The following ADRA1A variants were observed in gnomAD, a reference collection of about 807,000 sequenced individuals.
ADRA1A encodes adrenoceptor alpha 1A.
A neutral mutation model predicts 29.6 loss-of-function variants in ADRA1A; 31 were observed. The ratio of observed to expected loss-of-function variants is 1.05; its 90% CI spans 0.79 to 1.41. The LOEUF is 1.41. Among genes scored for constraint, ADRA1A ranks in the 40% most tolerant of loss-of-function variants. The probability of loss-of-function intolerance (pLI) is 0.00; values close to 1 mark genes in which losing one functional copy is unlikely to be tolerated. For missense variants in ADRA1A, 619 were observed against 601.1 expected (o/e 1.03, Z -0.31); for synonymous variants, 311 against 254.3 (o/e 1.22, Z -2.12).
chr8:26,806,301 T>C lies in ADRA1A; in HGVS notation c.884-35635A>G, dbSNP rs1380181097. Among the ~76,000 whole-genome samples the C allele has an allele frequency of 9.5e-6, 1 of 105,268 alleles. No homozygotes were observed. Among genetic ancestry groups the C allele is most frequent in the Non-Finnish European group, 1.8e-5 (1 of 55,062 alleles). 69.1% of individuals were successfully genotyped at this position (105,268 alleles called of 152,430 possible). On this transcript the variant is annotated intron_variant, in intron 2 of 2. Coordinates refer to ENST00000380573, the MANE Select transcript of ADRA1A (RefSeq NM_000680.4). This position sits in a 1 kb window ranked among gnomAD's most constrained non-coding sequence, Gnocchi z 4.6. ...AGAAGCTGGGTGTTTACACCAAAGA[T>C]TTTTTTTTTTTTTTCGAAAGCTGCC...
chr8:26,828,306 T>C (rs762733963), intron 2 of ADRA1A, among the ~76,000 whole-genome samples: 4 of 152,190 alleles, frequency 2.6e-5, no homozygotes, highest in Non-Finnish European at 4.4e-5. Context: ...TTGTCGAGAA[T>C]AAAGATGACT....
intron 2 of ADRA1A, among the ~76,000 whole-genome samples, chr8:26,788,158 A>G (rs1436430636): frequency 6.6e-6 from 1 of 152,140 alleles, no homozygotes; most frequent in East Asian, 1.9e-4. Context: ...GTTGTCCAAT[A>G]TTACCTAATT....
downstream of ADRA1A, among the ~76,000 whole-genome samples, chr8:26,754,325 T>C (rs1805053058): frequency 6.6e-6 from 1 of 152,286 alleles, no homozygotes; most frequent in South Asian, 2.1e-4. Context: ...TTGAATAGTA[T>C]AGCGTGCATA....
chr8:26,759,650 G>A (rs574968518), intron 2 of ADRA1A, among the ~76,000 whole-genome samples: 18 of 152,280 alleles, frequency 1.2e-4, no homozygotes, highest in African/African-American at 3.6e-4. Flanking sequence ...TACTCTGCCC[G>A]ATGCTCAGCT....
intron 2 of ADRA1A, among the ~76,000 whole-genome samples, chr8:26,847,759 T>G (rs188994127): frequency 6.6e-6 from 1 of 152,254 alleles, no homozygotes; most frequent in Admixed American, 6.5e-5. Flanking sequence ...CCACACTTCT[T>G]CCCAAACTTC....
chr8:26,847,343 G>A (rs1812285441), intron 2 of ADRA1A, among the ~76,000 whole-genome samples: 1 of 152,106 alleles, frequency 6.6e-6, no homozygotes, highest in Non-Finnish European at 1.5e-5. Flanking sequence ...ACCCCCGATT[G>A]AGAACTACTA....
rs371577577 is a variant in ADRA1A, at chr8:26,802,347, G to A, written c.884-31681C>T. Among the ~76,000 whole-genome samples the A allele has an allele frequency of 2.4e-4, 36 of 152,170 alleles. No homozygotes were observed. In the South Asian group the frequency reaches 6.6e-3, roughly 28 times the overall value. On this transcript the variant is annotated intron_variant, in intron 2 of 2. Transcript: ENST00000380573. ...TCCATCTAAAAAGAAACTAATAACC[G>A]AAATTTATAAGGAGCTCAAACAACT...
intron 2 of ADRA1A, among the ~76,000 whole-genome samples, chr8:26,786,422 G>C (rs1807394120): frequency 6.6e-6 from 1 of 151,800 alleles, no homozygotes; most frequent in Non-Finnish European, 1.5e-5. Flanking sequence ...TTTTAGTAGA[G>C]ACAGGGTTTC....
At chr8:26,798,866 T>C (rs748133013) in intron 2 of ADRA1A, among the ~76,000 whole-genome samples, 1 of 152,212 alleles carries the variant, frequency 6.6e-6, no homozygotes, top group Non-Finnish European at 1.5e-5. Flanking sequence ...TTTTCCTCTA[T>C]AGTATTACCA....
Position 26,828,471 on chromosome 8 carries a change from A to G in ADRA1A, c.883+35616T>C, listed in dbSNP as rs569773701. On this transcript the variant is annotated intron_variant, in intron 2 of 2. Transcript: ENST00000380573. ...CACTACACACCTAGAAGGATAATAC[A>G]TGAGTCCTTCCTCAGTCATTAACAC... Among the ~76,000 whole-genome samples the G allele has an allele frequency of 4.6e-5, 7 of 152,304 alleles. No individual in the cohort carries two copies. In the South Asian group the frequency reaches 1.2e-3, roughly 27 times the overall value.
chr8:26,787,976 C>T lies in ADRA1A; in HGVS notation c.884-17310G>A, dbSNP rs568237774. ...GAAACCGGACATTGAGTACATCTTC[C>T]TGCAGAGATGCCCCTGGATGTGTGG... On this transcript the variant is annotated intron_variant, in intron 2 of 2. Transcript: ENST00000380573. This position sits in a 1 kb window ranked among gnomAD's most constrained non-coding sequence, Gnocchi z 4.2. Among the ~76,000 whole-genome samples the T allele has an allele frequency of 7.9e-5, 12 of 151,846 alleles. No homozygotes were observed. The South Asian group carries it at 2.5e-3, about 32-fold the overall frequency.
chr8:26,786,320 C>T (rs950544097), intron 2 of ADRA1A, among the ~76,000 whole-genome samples: 3 of 151,478 alleles, frequency 2.0e-5, no homozygotes, highest in African/African-American at 7.3e-5. Flanking sequence ...CTGCAACCTT[C>T]GCCTCCCAGG....
rs191494281 is a variant in ADRA1A at position 26,844,398 on chromosome 8, T to C, written c.883+19689A>G. ...TTTTCTTTAAAAAGAGGTAGTCTTT[T>C]TGAAAGTTTCTATTAAACTTTTAGA... On this transcript the variant is annotated intron_variant, in intron 2 of 2. Transcript: ENST00000380573. Among the ~76,000 whole-genome samples, 6 of 152,326 alleles carry C rather than the reference T, an allele frequency of 3.9e-5. No individual in the cohort carries two copies. The East Asian group carries it at 9.6e-4, about 24-fold the overall frequency.
chr8:26,862,465 C>T (rs921738184), intron 2 of ADRA1A, among the ~76,000 whole-genome samples: 2 of 152,144 alleles, frequency 1.3e-5, no homozygotes, highest in East Asian at 1.9e-4. Flanking sequence ...CAAATACAAC[C>T]GTCTCATTGG....
rs142997451 is a variant in ADRA1A, at chr8:26,824,481, G to A, written c.883+39606C>T. Among the ~76,000 whole-genome samples the A allele has an allele frequency of 3.2e-4, 49 of 152,248 alleles. 1 individual carries two copies. The East Asian group carries it at 9.4e-3, about 29-fold the overall frequency. ...AAGGTTATTGTGAGGATCGAACAAG[G>A]TAATGCCTGTCACACAGCTGACCAA... On this transcript the variant is annotated intron_variant, in intron 2 of 2. Coordinates refer to ENST00000380573, the MANE Select transcript of ADRA1A (RefSeq NM_000680.4).
At chr8:26,757,105 T>C in intron 2 of ADRA1A, 1 of 702,664 alleles carries the variant, frequency 1.4e-6, no homozygotes. Flanking sequence ...TGCAGCTGCT[T>C]CTCAAAATCC....
intron 2 of ADRA1A, among the ~76,000 whole-genome samples, chr8:26,847,363 C>A (rs73678152): frequency 2.7e-3 from 413 of 152,272 alleles, no homozygotes; most frequent in African/African-American, 9.6e-3. Flanking sequence ...AATGTGACCT[C>A]TTTAGGAAAA....
downstream of ADRA1A, among the ~76,000 whole-genome samples, chr8:26,763,125 T>C (rs1585635176): frequency 6.6e-6 from 1 of 152,074 alleles, no homozygotes; most frequent in Non-Finnish European, 1.5e-5. The surrounding 1 kb of genome is among the most constrained non-coding windows in gnomAD (Gnocchi z 4.5). Flanking sequence ...ATCCTATCTG[T>C]CATTTGGAAA....
At chr8:26,768,577 C>A (rs925544994), downstream of ADRA1A, among the ~76,000 whole-genome samples, 13 of 152,102 alleles carry the variant, frequency 8.5e-5, no homozygotes, top group African/African-American at 2.9e-4. Context: ...CCACACCTGA[C>A]CTCATGTCTA....
Sources: allele counts gnomAD v4.1 joint callset (sites outside exome capture counted in the v4.1 genomes callset), GRCh38; gene constraint gnomAD v4.1.1; non-coding constraint Gnocchi (gnomAD v3.1); transcripts MANE v1.5; gene names NCBI Gene and HGNC (gene_info 2026-07-23, HGNC 2026-07-21).